The following PCSK5 variants were observed in gnomAD, a reference collection of about 807,000 sequenced individuals.
PCSK5 encodes the protein prohormone convertase 5.
In PCSK5, 129 loss-of-function variants were observed where a neutral mutation model predicts 233.2. The ratio of observed to expected loss-of-function variants is 0.55; its 90% CI spans 0.48 to 0.64. The LOEUF (loss-of-function observed/expected upper bound fraction) is 0.64, where lower values mean the gene tolerates loss of function less well. Ranked by LOEUF, PCSK5 falls within the 30% of genes least tolerant of loss-of-function variation. The pLI is 0.00. For synonymous variants in PCSK5, 825 were observed against 879.2 expected, an observed-to-expected ratio of 0.94 and a Z score of 1.09; for missense variants, 2,076 against 2,430.1, an observed-to-expected ratio of 0.85 and a Z score of 3.06.
At chr9:75,891,408 T>C in intron 1 of PCSK5, 35 bp downstream of exon 1, 1 of 1,501,352 alleles carries the variant, frequency 6.7e-7, no homozygotes, top group Non-Finnish European at 8.9e-7. Context: ...CCCTCGGCCC[T>C]GAAGCCACTG....
At chr9:75,942,029 A>G (rs987671017) in intron 2 of PCSK5, among the ~76,000 whole-genome samples, 1 of 152,244 alleles carries the variant, frequency 6.6e-6, no homozygotes, top group African/African-American at 2.4e-5. Flanking sequence ...ACTTCACTTC[A>G]AAAGGTCATA....
chr9:76,162,091 A>G (rs1822886760), intron 12 of PCSK5, among the ~76,000 whole-genome samples: 1 of 152,150 alleles, frequency 6.6e-6, no homozygotes, highest in Non-Finnish European at 1.5e-5. Context: ...GATGTAAAGG[A>G]TATTGTGAAT....
At chr9:75,925,341 A>G (rs759386400) in intron 1 of PCSK5, among the ~76,000 whole-genome samples, 3 of 152,240 alleles carry the variant, frequency 2.0e-5, no homozygotes, top group Non-Finnish European at 4.4e-5. Flanking sequence ...ACTAAGGTTT[A>G]GAGACATGCC....
intron 35 of PCSK5, among the ~76,000 whole-genome samples, chr9:76,349,273 CAA>C: frequency 1.5e-5 from 1 of 66,484 alleles, no homozygotes; most frequent in African/African-American, 5.4e-5. Context: ...GACTCTGTCT[CAA>C]AAAAAAAAAA....
At chr9:76,253,782 T>C (rs1201309227) in intron 24 of PCSK5, among the ~76,000 whole-genome samples, 3 of 152,214 alleles carry the variant, frequency 2.0e-5, no homozygotes, top group African/African-American at 7.2e-5. Flanking sequence ...ATGTGACCAA[T>C]TTTATGCATA....
At chr9:76,229,249 A>T (rs1365356640) in intron 21 of PCSK5, among the ~76,000 whole-genome samples, 1 of 152,220 alleles carries the variant, frequency 6.6e-6, no homozygotes, top group East Asian at 1.9e-4. Context: ...ATTCCCCACC[A>T]TACCAACAAT....
intron 5 of PCSK5, among the ~76,000 whole-genome samples, chr9:76,052,122 C>T (rs895669832): frequency 6.6e-6 from 1 of 152,034 alleles, no homozygotes; most frequent in Non-Finnish European, 1.5e-5. Flanking sequence ...GACAAGGGGT[C>T]GCATTTCATT....
intron 3 of PCSK5, among the ~76,000 whole-genome samples, chr9:75,994,179 T>G (rs886639774): frequency 1.3e-5 from 2 of 152,096 alleles, no homozygotes; most frequent in African/African-American, 4.8e-5. Flanking sequence ...TTCCACTGTT[T>G]CTGCTTTTAG....
intron 21 of PCSK5, among the ~76,000 whole-genome samples, chr9:76,232,610 G>A (rs777076509): frequency 1.3e-5 from 2 of 152,054 alleles, no homozygotes; most frequent in Admixed American, 6.6e-5. Context: ...TCACTTCATC[G>A]ATTCATATTA....
intron 4 of PCSK5, 137 bp downstream of exon 4, chr9:76,024,018 A>G (rs1304952189): frequency 1.6e-6 from 1 of 616,852 alleles, no homozygotes; most frequent in African/African-American, 1.9e-5. Flanking sequence ...TCTCTCTGGT[A>G]AAAGATGAGA....
intron 8 of PCSK5, among the ~76,000 whole-genome samples, chr9:76,102,939 G>A (rs972928262): frequency 6.6e-6 from 1 of 152,188 alleles, no homozygotes; most frequent in Non-Finnish European, 1.5e-5. Context: ...ATACAAAAGT[G>A]ATGTAACATG....
intron 2 of PCSK5, among the ~76,000 whole-genome samples, chr9:75,962,991 T>C (rs2131347321): frequency 6.6e-6 from 1 of 152,348 alleles, no homozygotes. Flanking sequence ...GAATGAAACC[T>C]GAGTCCCAGT....
At chr9:76,242,179 G>A (rs932457246) in intron 24 of PCSK5, among the ~76,000 whole-genome samples, 10 of 152,122 alleles carry the variant, frequency 6.6e-5, no homozygotes, top group African/African-American at 2.4e-4. Flanking sequence ...TCAAGTCAGG[G>A]TAACTGGTAT....
At chr9:76,226,999 T>C (rs1048044721) in intron 20 of PCSK5, among the ~76,000 whole-genome samples, 10 of 152,192 alleles carry the variant, frequency 6.6e-5, no homozygotes, top group Admixed American at 6.5e-5. Flanking sequence ...TAGCTTACAA[T>C]CACCCAATGT....
At chr9:75,961,459 G>T (rs1036343489) in intron 2 of PCSK5, among the ~76,000 whole-genome samples, 3 of 152,166 alleles carry the variant, frequency 2.0e-5, no homozygotes, top group Non-Finnish European at 2.9e-5. Context: ...AACCACTGTG[G>T]CCATTGTGTG....
Position 76,189,200 on chromosome 9 carries a change from G to C in PCSK5, c.2487G>C (p.Glu829Asp). 4 of 1,612,988 alleles carry C rather than the reference G, an allele frequency of 2.5e-6. No individual in the cohort carries two copies. The highest frequency in any genetic ancestry group is 3.4e-6 in the Non-Finnish European group (4 of 1,179,742). ...SISYYFDHSS[E>D]NGYKSCKKCD... ...GCTATTACTTTGACCACTCTTCAGA[G>C]AATGGATACAAATCCTGCAAAAAGT... The change falls in exon 19 of 38, where the codon GAG becomes GAC. Residue 829 changes from glutamate to aspartate, a missense_variant. This residue lies in a region of PCSK5 where 1,510 missense variants were observed against 1,538.1 expected (regional missense o/e 0.98). Transcript: ENST00000674117.
intron 2 of PCSK5, among the ~76,000 whole-genome samples, chr9:75,935,448 G>A (rs77748422): frequency 0.045 from 6,873 of 152,146 alleles, 232 homozygotes; most frequent in African/African-American, 0.086. Flanking sequence ...GATATGATGC[G>A]CCTTCAATTC....
intron 2 of PCSK5, among the ~76,000 whole-genome samples, chr9:75,970,820 A>T (rs965286822): frequency 6.6e-6 from 1 of 152,030 alleles, no homozygotes; most frequent in African/African-American, 2.4e-5. Context: ...AGGAAGTTTC[A>T]CCGTGTTGCC....
intron 20 of PCSK5, among the ~76,000 whole-genome samples, chr9:76,218,422 G>A (rs1270611266): frequency 6.6e-6 from 1 of 152,176 alleles, no homozygotes; most frequent in African/African-American, 2.4e-5. Context: ...CTCAGGGGCA[G>A]GAGAAAAAGC....
Sources: allele counts gnomAD v4.1 joint callset (sites outside exome capture counted in the v4.1 genomes callset), GRCh38; gene constraint gnomAD v4.1.1; regional missense constraint gnomAD v4.1.1; transcripts MANE v1.5; gene names NCBI Gene and HGNC (gene_info 2026-07-23, HGNC 2026-07-21).